The following PDE4D variants were observed in gnomAD, a reference collection of about 807,000 sequenced individuals.
The protein encoded by PDE4D is phosphodiesterase 4D.
Under a neutral mutation model 87.4 loss-of-function variants are expected in PDE4D, and 24 were observed. That is an observed-to-expected ratio of 0.27 (90% CI 0.20 to 0.39). The LOEUF is 0.39. Among genes scored for constraint, PDE4D ranks in the 10% least tolerant of loss-of-function variants. The pLI, the probability that PDE4D is intolerant of heterozygous loss-of-function variation, is 1.00. For synonymous variants in PDE4D, 384 were observed against 383.2 expected, an observed-to-expected ratio of 1.00 and a Z score of -0.02; for missense variants, 714 against 1,041.0, an observed-to-expected ratio of 0.69 and a Z score of 4.32.
intron 1 of PDE4D, among the ~76,000 whole-genome samples, chr5:60,440,637 T>C (rs1349596828): frequency 6.6e-6 from 1 of 152,072 alleles, no homozygotes; most frequent in Non-Finnish European, 1.5e-5. Context: ...TTGAAATGCA[T>C]ATATATTGAA....
chr5:59,066,048 TA>T lies in PDE4D; in HGVS notation c.809-27078del, dbSNP rs544488742. Among the ~76,000 whole-genome samples the T allele has an allele frequency of 1.4e-4, 22 of 151,898 alleles. 1 individual carries two copies. Among genetic ancestry groups the T allele is most frequent in the East Asian group, 7.7e-4 (4 of 5,192 alleles). On this transcript the variant is annotated intron_variant, in intron 5 of 14. Transcript: ENST00000340635. ...CCTGCTTGCTTTTCGGATGCTGTTC[TA>T]AAAAAAATGTACCTTATTCCTTCTA...
chr5:59,439,059 C>T (rs1797198192), intron 1 of PDE4D, among the ~76,000 whole-genome samples: 1 of 152,042 alleles, frequency 6.6e-6, no homozygotes. Context: ...AGGGAGAGAT[C>T]AAGAATGAAT....
At chr5:59,332,753 G>C (rs1211917941) in intron 1 of PDE4D, among the ~76,000 whole-genome samples, 1 of 152,156 alleles carries the variant, frequency 6.6e-6, no homozygotes, top group Non-Finnish European at 1.5e-5. Flanking sequence ...TGGCTAAAGG[G>C]CTGTAAGCTC....
intron 2 of PDE4D, among the ~76,000 whole-genome samples, chr5:60,024,463 A>G (rs1582230021): frequency 6.6e-6 from 1 of 152,324 alleles, no homozygotes. Context: ...TACAGTTTCA[A>G]TTAGAAATTT....
chr5:60,271,217 C>A (rs1750776603), intron 1 of PDE4D, among the ~76,000 whole-genome samples: 1 of 152,134 alleles, frequency 6.6e-6, no homozygotes, highest in Non-Finnish European at 1.5e-5. Flanking sequence ...CTTTAATGGT[C>A]ACATTTTATC....
chr5:59,611,034 C>T (rs1286195672), intron 1 of PDE4D, among the ~76,000 whole-genome samples: 1 of 152,066 alleles, frequency 6.6e-6, no homozygotes, highest in Non-Finnish European at 1.5e-5. Flanking sequence ...ATCATGGATT[C>T]GTACTGAACC....
chr5:59,192,284 C>T (rs1744507101), intron 3 of PDE4D, among the ~76,000 whole-genome samples: 1 of 152,020 alleles, frequency 6.6e-6, no homozygotes, highest in South Asian at 2.1e-4. Flanking sequence ...ACATTTAAAC[C>T]AATCACAAAG....
chr5:59,983,679 G>C (rs934893308), intron 3 of PDE4D, among the ~76,000 whole-genome samples: 3 of 152,148 alleles, frequency 2.0e-5, no homozygotes, highest in African/African-American at 7.2e-5. Context: ...TCACCAGAAT[G>C]ACCAAAATGA....
At chr5:59,230,430 A>G (rs1754909525) in intron 1 of PDE4D, among the ~76,000 whole-genome samples, 1 of 152,218 alleles carries the variant, frequency 6.6e-6, no homozygotes, top group African/African-American at 2.4e-5. Flanking sequence ...ATCCTCAATC[A>G]CATTCCTGGC....
At chr5:60,096,390 T>C (rs6881029) in intron 2 of PDE4D, among the ~76,000 whole-genome samples, 76,854 of 151,822 alleles carry the variant, frequency 0.51, 19,967 homozygotes, top group East Asian at 0.83. Context: ...CCCTTCCTTA[T>C]ACCTTATACA....
chr5:59,642,047 A>G (rs574097932), intron 1 of PDE4D, among the ~76,000 whole-genome samples: 2 of 152,294 alleles, frequency 1.3e-5, no homozygotes, highest in East Asian at 3.9e-4. Context: ...GAGGCCATTT[A>G]AATGGTAAAG....
chr5:60,157,111 A>G (rs1782043666), intron 2 of PDE4D, among the ~76,000 whole-genome samples: 1 of 152,168 alleles, frequency 6.6e-6, no homozygotes, highest in Admixed American at 6.5e-5. Flanking sequence ...TCAATTTTGT[A>G]AGAATGTTTG....
intron 1 of PDE4D, among the ~76,000 whole-genome samples, chr5:59,369,037 T>G (rs546220778): frequency 1.1e-4 from 16 of 152,230 alleles, no homozygotes; most frequent in Non-Finnish European, 2.2e-4. Context: ...CGATGTGCTT[T>G]CTATGTAAAT....
At chr5:60,422,759 A>C (rs1332825822) in intron 1 of PDE4D, among the ~76,000 whole-genome samples, 1 of 152,226 alleles carries the variant, frequency 6.6e-6, no homozygotes, top group Non-Finnish European at 1.5e-5. Context: ...CAAATTGGAT[A>C]AAGAGTCAAG....
At chr5:59,091,465 T>C (rs1768723833) in intron 5 of PDE4D, among the ~76,000 whole-genome samples, 1 of 152,124 alleles carries the variant, frequency 6.6e-6, no homozygotes, top group Non-Finnish European at 1.5e-5. Context: ...TATTATGATG[T>C]GCAATCCTCA....
intron 1 of PDE4D, among the ~76,000 whole-genome samples, chr5:60,497,516 C>A (rs1299991672): frequency 6.6e-6 from 1 of 152,074 alleles, no homozygotes; most frequent in Non-Finnish European, 1.5e-5. Flanking sequence ...GATCCTCCCA[C>A]CTCAACCTCC....
chr5:60,498,775 CTAAAG>C (rs1749936422), intron 1 of PDE4D, among the ~76,000 whole-genome samples: 1 of 152,096 alleles, frequency 6.6e-6, no homozygotes, highest in Non-Finnish European at 1.5e-5. Context: ...AGGCTCTGAG[CTAAAG>C]AAAACCAAGC....
chr5:59,112,857 G>A (rs1320390357), intron 5 of PDE4D, among the ~76,000 whole-genome samples: 4 of 144,212 alleles, frequency 2.8e-5, no homozygotes, highest in African/African-American at 1.0e-4. Context: ...CTGGAGTGCA[G>A]TGGCGCGATC....
chr5:60,055,467 C>T (rs1227000085), intron 2 of PDE4D, among the ~76,000 whole-genome samples: 3 of 151,982 alleles, frequency 2.0e-5, no homozygotes, highest in African/African-American at 7.2e-5. Flanking sequence ...TTCTCCTTTC[C>T]ATTAGCATTA....
Sources: gnomAD v4.1 joint callset for allele counts (sites outside exome capture counted in the v4.1 genomes callset) on GRCh38, gnomAD v4.1.1 for gene constraint, MANE v1.5 for transcripts, NCBI Gene and HGNC (gene_info 2026-07-23, HGNC 2026-07-21) for gene names.